PCDHA9: variants seen among roughly 807,000 people sequenced by gnomAD.
PCDHA9 encodes the protein protocadherin alpha-9.
PCDHA9 carries 62 observed loss-of-function variants against 62.0 expected under a neutral mutation model. The ratio of observed to expected loss-of-function variants is 1.00; its 90% confidence interval spans 0.81 to 1.23. PCDHA9 has a LOEUF of 1.23. Among genes scored for constraint, PCDHA9 ranks in the 50% most tolerant of loss-of-function variants. The pLI is 0.00. For synonymous variants in PCDHA9, 557 were observed against 567.6 expected (o/e 0.98, Z 0.27); for missense variants, 1,205 against 1,249.8 (o/e 0.96, Z 0.54).
intron 1 of PCDHA9, among the ~76,000 whole-genome samples, chr5:140,942,542 G>C (rs1023135030): frequency 6.6e-5 from 10 of 152,046 alleles, no homozygotes; most frequent in African/African-American, 2.4e-4. Flanking sequence ...AGTATGGTGG[G>C]GGGTAGGGGG....
chr5:140,890,870 T>A (rs1217710440), intron 1 of PCDHA9, among the ~76,000 whole-genome samples: 1 of 152,226 alleles, frequency 6.6e-6, no homozygotes, highest in Non-Finnish European at 1.5e-5. Flanking sequence ...CTTGCCCCTC[T>A]GACCTTTCAT....
intron 1 of PCDHA9, among the ~76,000 whole-genome samples, chr5:140,944,240 T>C (rs374307364): frequency 2.1e-4 from 32 of 152,316 alleles, no homozygotes; most frequent in African/African-American, 7.5e-4. Flanking sequence ...CAGGCTGGAG[T>C]GCAGTGATGT....
chr5:140,929,233 C>T (rs782744711), intron 1 of PCDHA9: 5 of 1,613,786 alleles, frequency 3.1e-6, no homozygotes, highest in Non-Finnish European at 8.5e-7. Flanking sequence ...TGCCGACCTG[C>T]GAAATCTTGC....
At chr5:140,891,888 T>C (rs1562860973) in intron 1 of PCDHA9, among the ~76,000 whole-genome samples, 1 of 152,212 alleles carries the variant, frequency 6.6e-6, no homozygotes, top group Non-Finnish European at 1.5e-5. Context: ...CATGTGACGA[T>C]GCAGCAAGAA....
At chr5:140,851,219 C>A (rs2041993259) in intron 1 of PCDHA9, 5 of 1,147,562 alleles carry the variant, frequency 4.4e-6, no homozygotes, top group Non-Finnish European at 4.5e-6. Context: ...ACATTAACAT[C>A]ACTATCATTT....
At chr5:140,941,634 T>G (rs2093133728) in intron 1 of PCDHA9, among the ~76,000 whole-genome samples, 1 of 152,074 alleles carries the variant, frequency 6.6e-6, no homozygotes, top group South Asian at 2.1e-4. Context: ...TCTTAATTTC[T>G]GTCTTCCTAC....
At chr5:140,926,949 G>A in intron 1 of PCDHA9, 3 of 1,592,316 alleles carry the variant, frequency 1.9e-6, no homozygotes, top group Non-Finnish European at 2.6e-6. Context: ...GCGCTGCAGC[G>A]GGACAGCTCG....
rs1160932490 is a variant in PCDHA9 at position 140,857,948 on chromosome 5, C to A, written c.2394+7059C>A. 4.4e-6 allele frequency: 7 copies of A among 1,597,438 alleles called. 1 individual carries two copies. Among genetic ancestry groups the A allele is most frequent in the Non-Finnish European group, 6.0e-6 (7 of 1,167,420 alleles). On this transcript the variant is annotated intron_variant, in intron 1 of 3. Transcript: ENST00000532602. ...GTACACGGGCGAGATCAGTACGACG[C>A]GCGCTCTGGATGAGACTGACTCGCC...
At chr5:140,869,650 C>G in intron 1 of PCDHA9, 1 of 1,613,504 alleles carries the variant, frequency 6.2e-7, no homozygotes, top group Non-Finnish European at 8.5e-7. Context: ...TTTAGATTCA[C>G]CAACAAATGG....
intron 1 of PCDHA9, among the ~76,000 whole-genome samples, chr5:140,925,773 A>G (rs2082712352): frequency 6.6e-6 from 1 of 151,966 alleles, no homozygotes; most frequent in African/African-American, 2.4e-5. Context: ...TCCTGGTCAA[A>G]CTCTAATGAG....
intron 1 of PCDHA9, chr5:140,862,835 G>T (rs781856164): frequency 3.5e-6 from 2 of 575,630 alleles, no homozygotes; most frequent in African/African-American, 1.9e-5. Flanking sequence ...CGCGACGCGG[G>T]CATGCCGCCT....
intron 1 of PCDHA9, chr5:140,858,468 G>A: frequency 6.6e-7 from 1 of 1,521,202 alleles, no homozygotes; most frequent in East Asian, 2.4e-5. Context: ...TTCCTTTTGT[G>A]CTTTATGAAT....
intron 1 of PCDHA9, chr5:140,851,387 TA>T: frequency 2.1e-6 from 2 of 974,684 alleles, no homozygotes; most frequent in Non-Finnish European, 2.5e-6. Context: ...CAACCTTCAG[TA>T]TCTATTATTT....
At chr5:140,903,597 T>C (rs1182384058) in intron 1 of PCDHA9, among the ~76,000 whole-genome samples, 1 of 152,218 alleles carries the variant, frequency 6.6e-6, no homozygotes, top group African/African-American at 2.4e-5. Flanking sequence ...GCCTGATAAA[T>C]GCTTAATACA....
chr5:140,875,360 GA>G, intron 1 of PCDHA9: 1 of 1,447,846 alleles, frequency 6.9e-7, no homozygotes, highest in Non-Finnish European at 9.1e-7. Context: ...TGTGATGCTG[GA>G]AAAAATTTAC....
Position 140,888,156 on chromosome 5 carries a change from A to T in PCDHA9, c.2394+37267A>T, listed in dbSNP as rs556908449. 2.0e-5 allele frequency among the ~76,000 whole-genome samples: 3 copies of T among 152,300 alleles called. No homozygotes were observed. In the South Asian group the frequency reaches 6.2e-4, roughly 32 times the overall value. On this transcript the variant is annotated intron_variant, in intron 1 of 3. Coordinates refer to ENST00000532602, the MANE Select transcript of PCDHA9 (RefSeq NM_031857.2). ...TTTCTTGCTGTTTTGCATGACTGGT[A>T]ATCTCTAATAAGATGCTAGACATTG...
intron 1 of PCDHA9, chr5:140,878,024 G>A (rs2057444305): frequency 7.9e-6 from 6 of 757,742 alleles, no homozygotes; most frequent in South Asian, 2.8e-5. Context: ...AAGGAAATAT[G>A]TAGGTACAAT....
chr5:140,947,569 A>G (rs2094145868), intron 1 of PCDHA9, among the ~76,000 whole-genome samples: 1 of 151,666 alleles, frequency 6.6e-6, no homozygotes. Flanking sequence ...TATATTGGGA[A>G]TGTTTTTAAC....
chr5:140,898,632 C>T (rs2066885282), intron 1 of PCDHA9, among the ~76,000 whole-genome samples: 1 of 152,158 alleles, frequency 6.6e-6, no homozygotes, highest in Non-Finnish European at 1.5e-5. Flanking sequence ...ATAATGCCTC[C>T]AGCTTTGTTC....
Sources: gnomAD v4.1 joint callset for allele counts (sites outside exome capture counted in the v4.1 genomes callset) on GRCh38, gnomAD v4.1.1 for gene constraint, MANE v1.5 for transcripts, NCBI Gene and HGNC (gene_info 2026-07-23, HGNC 2026-07-21) for gene names.